The following SLC44A3 variants were observed in gnomAD, a reference collection of about 807,000 sequenced individuals.
SLC44A3 encodes the protein choline transporter-like protein 3.
A neutral mutation model predicts 75.4 loss-of-function variants in SLC44A3; 74 were observed. The observed-to-expected ratio is 0.98, with a 90% CI of 0.81 to 1.19. The LOEUF is 1.19. Among genes scored for constraint, SLC44A3 ranks in the 50% most tolerant of loss-of-function variants. The pLI, the probability that SLC44A3 is intolerant of heterozygous loss-of-function variation, is 0.00. For synonymous variants in SLC44A3, 310 were observed against 296.9 expected (o/e 1.04, Z -0.45); for missense variants, 700 against 778.6 (o/e 0.90, Z 1.20).
chr1:94,830,213 A>G (rs187946126), intron 5 of SLC44A3, among the ~76,000 whole-genome samples: 164 of 152,206 alleles, frequency 1.1e-3, no homozygotes, highest in African/African-American at 3.7e-3. Flanking sequence ...TCATTTTTCT[A>G]TAATATTCTT....
intron 9 of SLC44A3, among the ~76,000 whole-genome samples, chr1:94,852,273 A>C (rs1427454851): frequency 6.6e-6 from 1 of 152,194 alleles, no homozygotes; most frequent in Non-Finnish European, 1.5e-5. Context: ...AATTAAGCAG[A>C]AAGGACAAAT....
Position 94,888,190 on chromosome 1 carries a change from T to C in SLC44A3, c.1483-2940T>C, listed in dbSNP as rs76656658. On this transcript the variant is annotated intron_variant, in intron 12 of 14. Transcript: ENST00000271227. The stretch of plus-strand genomic sequence containing the variant: ...TTGGGATTTGAGCACAGAGACAGTC[T>C]GGCTACAGAGCCTGTGCTTACCGTA... Among the ~76,000 whole-genome samples the C allele has an allele frequency of 1.8e-3, 281 of 152,356 alleles. 5 individuals are homozygous for C. The East Asian group carries it at 0.042, about 23-fold the overall frequency.
intron 12 of SLC44A3, among the ~76,000 whole-genome samples, chr1:94,874,616 T>G (rs17579856): frequency 0.055 from 8,351 of 152,328 alleles, 288 homozygotes; most frequent in Middle Eastern, 0.078. Context: ...GAGTGGTCAG[T>G]GCAAATGACT....
At chr1:94,839,491 C>T (rs978200742) in intron 6 of SLC44A3, among the ~76,000 whole-genome samples, 3 of 151,980 alleles carry the variant, frequency 2.0e-5, no homozygotes, top group Non-Finnish European at 4.4e-5. Flanking sequence ...CGGGTTCAAG[C>T]GATTCTTGTA....
chr1:94,888,369 T>C (rs1023657306), intron 12 of SLC44A3, among the ~76,000 whole-genome samples: 1 of 152,242 alleles, frequency 6.6e-6, no homozygotes, highest in Non-Finnish European at 1.5e-5. Flanking sequence ...GTTTCCAGTC[T>C]ATAAAAGAAC....
At chr1:94,868,745 G>A (rs544486513) in intron 12 of SLC44A3, among the ~76,000 whole-genome samples, 26 of 152,376 alleles carry the variant, frequency 1.7e-4, no homozygotes, top group Admixed American at 1.6e-3. Flanking sequence ...AAAGACAAAA[G>A]CAATGAATGG....
Position 94,827,642 on chromosome 1 carries a change from T to C in SLC44A3, c.414T>C (p.Ser138=). 1 of 1,614,008 alleles carries C rather than the reference T, an allele frequency of 6.2e-7. No homozygotes were observed. The highest frequency in any genetic ancestry group is 8.5e-7 in the Non-Finnish European group (1 of 1,179,976). ...AGGTCCAGTTCTTTGCAAACACCAG[T>C]GGTAGGCACTAAGGCCTGGTTTGTT... is the stretch of plus-strand genomic sequence containing the variant. ...LEEVQFFANT[S]GSFLCVYSLN... Residue 138 remains serine (S), a splice_region_variant and synonymous_variant, in exon 4 of 15, where the codon AGT becomes AGC. Coordinates refer to ENST00000271227, the MANE Select transcript of SLC44A3 (RefSeq NM_001114106.3).
At chr1:94,878,564 A>T (rs1367555104) in intron 12 of SLC44A3, among the ~76,000 whole-genome samples, 1 of 152,230 alleles carries the variant, frequency 6.6e-6, no homozygotes, top group Non-Finnish European at 1.5e-5. Context: ...CTTAGAACTG[A>T]CTACAAGGGA....
intron 12 of SLC44A3, among the ~76,000 whole-genome samples, chr1:94,883,108 G>C (rs185285651): frequency 2.6e-5 from 4 of 151,730 alleles, no homozygotes; most frequent in Admixed American, 2.6e-4. Context: ...TGTGAGTGGA[G>C]GAACCGCAAG....
At position 94,839,555 on chromosome 1, in the gene SLC44A3, AT is replaced by A. The variant is rs535737406; in HGVS notation, c.671-388del. Among the ~76,000 whole-genome samples, 608 of 151,944 alleles carry A rather than the reference AT, an allele frequency of 4.0e-3. 2 individuals are homozygous for A. Among genetic ancestry groups the A allele is most frequent in the Non-Finnish European group, 6.9e-3 (472 of 67,948 alleles). Reference sequence around the variant, plus strand: ...AGGTGCCCGCCACCATGCCTGGCTAATTTTTGTATTTTTAGTAGAGATGGGG... The same window carrying A: ...AGGTGCCCGCCACCATGCCTGGCTAATTTTGTATTTTTAGTAGAGATGGGG... On this transcript the variant is annotated intron_variant, in intron 6 of 14. Transcript: ENST00000271227.
intron 8 of SLC44A3, among the ~76,000 whole-genome samples, chr1:94,842,451 T>A (rs182814794): frequency 1.1e-4 from 17 of 152,328 alleles, no homozygotes; most frequent in African/African-American, 4.1e-4. Context: ...ATTCCCTGTT[T>A]GTGAGGTGCG....
intron 5 of SLC44A3, among the ~76,000 whole-genome samples, chr1:94,836,578 G>C (rs543958763): frequency 1.1e-3 from 160 of 152,256 alleles, no homozygotes; most frequent in African/African-American, 3.6e-3. Context: ...CTTTTGTTGG[G>C]GTTGGTAGTT....
chr1:94,854,640 C>G (rs1665628984), intron 9 of SLC44A3, among the ~76,000 whole-genome samples: 1 of 152,242 alleles, frequency 6.6e-6, no homozygotes, highest in South Asian at 2.1e-4. Context: ...AGACTCCGAG[C>G]TAGATCCAAC....
chr1:94,886,960 A>G (rs1222425356), intron 12 of SLC44A3, among the ~76,000 whole-genome samples: 2 of 152,064 alleles, frequency 1.3e-5, no homozygotes, highest in Non-Finnish European at 2.9e-5. Flanking sequence ...TGTGATGCTA[A>G]AGAAGTATGC....
At chr1:94,894,639 ACACT>A (rs1429563804) in intron 14 of SLC44A3, among the ~76,000 whole-genome samples, 175 bp from the exon 15 acceptor site, 6 of 152,160 alleles carry the variant, frequency 3.9e-5, no homozygotes, top group Admixed American at 2.6e-4. Flanking sequence ...CCCCATTTAG[ACACT>A]CACTGTGATT....
chr1:94,834,687 G>A (rs138522354), intron 5 of SLC44A3, among the ~76,000 whole-genome samples: 4,578 of 152,126 alleles, frequency 0.03, 263 homozygotes, highest in African/African-American at 0.11. Context: ...GTTTCACCAC[G>A]TTGGCCAGGC....
intron 11 of SLC44A3, among the ~76,000 whole-genome samples, chr1:94,866,486 T>C (rs1435760382): frequency 6.6e-6 from 1 of 152,216 alleles, no homozygotes; most frequent in Admixed American, 6.5e-5. Flanking sequence ...TCAGCAGCCT[T>C]ACTGCCCCAC....
chr1:94,830,814 T>C (rs2100974086), intron 5 of SLC44A3, among the ~76,000 whole-genome samples: 1 of 152,358 alleles, frequency 6.6e-6, no homozygotes, highest in Non-Finnish European at 1.5e-5. Flanking sequence ...ATAAATGGGA[T>C]GGCAACCATA....
intron 8 of SLC44A3, chr1:94,843,146 C>T (rs74101566): frequency 0.018 from 2,678 of 152,324 alleles, 72 homozygotes; most frequent in African/African-American, 0.058. Context: ...CCAGTTCCTC[C>T]GTCTACCCTC....
Sources: allele counts gnomAD v4.1 joint callset (sites outside exome capture counted in the v4.1 genomes callset), GRCh38; gene constraint gnomAD v4.1.1; transcripts MANE v1.5; gene names NCBI Gene and HGNC (gene_info 2026-07-23, HGNC 2026-07-21).